The following PTPN12 variants were observed in gnomAD, a reference collection of about 807,000 sequenced individuals.
PTPN12 encodes the protein protein tyrosine phosphatase non-receptor type 12.
A neutral mutation model predicts 97.6 loss-of-function variants in PTPN12; 29 were observed. That is an observed-to-expected ratio of 0.30 (90% CI 0.22 to 0.41). PTPN12 has a LOEUF of 0.41. Ranked by LOEUF, PTPN12 falls within the 10% of genes least tolerant of loss-of-function variation. The pLI, the probability that PTPN12 is intolerant of heterozygous loss-of-function variation, is 1.00. For synonymous variants in PTPN12, 327 were observed against 300.4 expected, an observed-to-expected ratio of 1.09 and a Z score of -0.91; for missense variants, 819 against 926.0, an observed-to-expected ratio of 0.88 and a Z score of 1.50.
intron 12 of PTPN12, 56 bp downstream of exon 12, chr7:77,618,621 T>C (rs1788833148): frequency 3.4e-6 from 4 of 1,162,796 alleles, no homozygotes; most frequent in Non-Finnish European, 5.0e-6. Flanking sequence ...TACTCACTGT[T>C]AATTAAAATG....
chr7:77,614,874 T>A (rs1167052438), intron 11 of PTPN12, among the ~76,000 whole-genome samples: 1 of 152,218 alleles, frequency 6.6e-6, no homozygotes. Flanking sequence ...TCGGTAAAAG[T>A]TTTGTTTAAA....
chr7:77,615,190 A>T (rs1275711720), intron 11 of PTPN12, among the ~76,000 whole-genome samples: 1 of 152,202 alleles, frequency 6.6e-6, no homozygotes, highest in Non-Finnish European at 1.5e-5. Flanking sequence ...AAGTAATAGC[A>T]ATAACAGTTT....
Position 77,628,990 on chromosome 7 carries a change from C to T in PTPN12, c.1996+1315C>T, listed in dbSNP as rs532425921. Among the ~76,000 whole-genome samples, 40 of 152,252 alleles carry T rather than the reference C, an allele frequency of 2.6e-4. No homozygotes were observed. The East Asian group carries it at 6.0e-3, about 23-fold the overall frequency. ...TTGAGACAGAGTTTTGCTCTTGTTG[C>T]CCAGGCTGAAGTGCAGTGGCGCAAT... On this transcript the variant is annotated intron_variant, in intron 13 of 17. Coordinates refer to ENST00000248594, the MANE Select transcript of PTPN12 (RefSeq NM_002835.4).
chr7:77,615,321 T>C (rs945937750), intron 11 of PTPN12, among the ~76,000 whole-genome samples: 1 of 152,246 alleles, frequency 6.6e-6, no homozygotes, highest in Non-Finnish European at 1.5e-5. Context: ...TAATTTATTT[T>C]CTTCTGCAGC....
At chr7:77,553,862 T>TG (rs3083873) in intron 1 of PTPN12, among the ~76,000 whole-genome samples, 2 of 152,014 alleles carry the variant, frequency 1.3e-5, no homozygotes, top group Non-Finnish European at 2.9e-5. Context: ...TTTTTTTTTT[T>TG]GTCTTCCACT....
At chr7:77,555,697 G>A (rs1807677311) in intron 1 of PTPN12, among the ~76,000 whole-genome samples, 2 of 152,094 alleles carry the variant, frequency 1.3e-5, no homozygotes. Context: ...GGTGGATCGT[G>A]AGGTCATGAG....
intron 1 of PTPN12, among the ~76,000 whole-genome samples, chr7:77,555,153 T>C (rs946266959): frequency 6.6e-6 from 1 of 152,126 alleles, no homozygotes; most frequent in Non-Finnish European, 1.5e-5. Context: ...GTAATTCTTA[T>C]TATACTTGCT....
chr7:77,639,293 G>C lies in PTPN12; in HGVS notation c.*13G>C. 1 of 1,605,942 alleles carries C rather than the reference G, an allele frequency of 6.2e-7. No homozygotes were observed. The highest frequency in any genetic ancestry group is 8.5e-7 in the Non-Finnish European group (1 of 1,173,904). On this transcript the variant is annotated 3_prime_UTR_variant, in exon 18 of 18. Coordinates refer to ENST00000248594, the MANE Select transcript of PTPN12 (RefSeq NM_002835.4). The stretch of plus-strand genomic sequence containing the variant: ...AGAATGGACATGATTCAGGGAGCTA[G>C]AAGACACTTTAAGTTATACTGGAAA...
intron 15 of PTPN12, 180 bp from the exon 16 acceptor site, chr7:77,636,838 G>C (rs1221419730): frequency 1.4e-5 from 7 of 492,530 alleles, no homozygotes; most frequent in Non-Finnish European, 2.5e-5. Flanking sequence ...ACTCCAAGGA[G>C]AAATAGCATA....
Position 77,602,602 on chromosome 7 carries a change from A to G in PTPN12, c.695+1796A>G, listed in dbSNP as rs1441749667. The stretch of plus-strand genomic sequence containing the variant: ...ACTACTGCACTCCAGCCTGGGTGAC[A>G]TAGTAGACCCTATCTTTTAAAAAAA... On this transcript the variant is annotated intron_variant, in intron 8 of 17. Transcript: ENST00000248594. Among the ~76,000 whole-genome samples, 4 of 152,048 alleles carry G rather than the reference A, an allele frequency of 2.6e-5. No individual in the cohort carries two copies. In the East Asian group the frequency reaches 5.8e-4, roughly 22 times the overall value.
intron 9 of PTPN12, among the ~76,000 whole-genome samples, chr7:77,607,957 G>A (rs779908465): frequency 2.6e-5 from 4 of 152,092 alleles, no homozygotes; most frequent in Non-Finnish European, 5.9e-5. Context: ...GTTTCACCAT[G>A]TTGGCCAGGC....
intron 1 of PTPN12, among the ~76,000 whole-genome samples, chr7:77,547,426 A>G (rs930777176): frequency 1.3e-5 from 2 of 152,160 alleles, no homozygotes; most frequent in African/African-American, 4.8e-5. Context: ...GGGGGAAGAA[A>G]GTTCATAGCT....
In PTPN12 at chr7:77,564,746, GTTTTTT is replaced by G. The variant is rs764476553; in HGVS notation, c.100-6307_100-6302del. Reference sequence around the variant, plus strand: ...TTTTGTTGTTGTTTTTTGTTGTCGTGTTTTTTTTTTTTTTTTTTTTTTTTTTTTTTG... The same window carrying G: ...TTTTGTTGTTGTTTTTTGTTGTCGTGTTTTTTTTTTTTTTTTTTTTTTTTG... On this transcript the variant is annotated intron_variant, in intron 1 of 17. Coordinates refer to ENST00000248594, the MANE Select transcript of PTPN12 (RefSeq NM_002835.4). Among the ~76,000 whole-genome samples, 250 of 45,352 alleles carry G rather than the reference GTTTTTT, an allele frequency of 5.5e-3. 2 individuals are homozygous for G. The highest frequency in any genetic ancestry group is 0.026 in the Middle Eastern group (1 of 38). The allele number at this position is 45,352 out of a possible 152,430, so 29.8% of individuals were successfully genotyped here.
chr7:77,562,995 A>AT (rs1361360890), intron 1 of PTPN12, among the ~76,000 whole-genome samples: 2 of 149,582 alleles, frequency 1.3e-5, no homozygotes, highest in African/African-American at 2.5e-5. Context: ...TTTTTATTAC[A>AT]TTTTTTCATT....
At chr7:77,613,167 G>GTTTTTTTTTTT (rs576216122) in intron 11 of PTPN12, among the ~76,000 whole-genome samples, 1 of 88,534 alleles carries the variant, frequency 1.1e-5, no homozygotes, top group Non-Finnish European at 2.0e-5. Flanking sequence ...TAATTTTTGG[G>GTTTTTTTTTTT]TTTTTTTTTT....
intron 1 of PTPN12, among the ~76,000 whole-genome samples, chr7:77,547,622 T>C (rs540991568): frequency 1.3e-5 from 2 of 152,286 alleles, no homozygotes; most frequent in South Asian, 4.1e-4. Flanking sequence ...ACATAGTATA[T>C]AGAAGGTAGT....
At chr7:77,599,889 T>C (rs1788138886) in intron 7 of PTPN12, among the ~76,000 whole-genome samples, 1 of 152,240 alleles carries the variant, frequency 6.6e-6, no homozygotes, top group Admixed American at 6.5e-5. Context: ...CTTTACATTC[T>C]TCAAAGTTAT....
chr7:77,598,914 GT>G (rs1363548082), intron 7 of PTPN12, among the ~76,000 whole-genome samples: 1 of 150,714 alleles, frequency 6.6e-6, no homozygotes, highest in Non-Finnish European at 1.5e-5. Flanking sequence ...TGTGAAGTTA[GT>G]TTTTGTCTTT....
intron 1 of PTPN12, among the ~76,000 whole-genome samples, chr7:77,543,546 A>G (rs1435774328): frequency 2.0e-5 from 3 of 152,180 alleles, no homozygotes; most frequent in South Asian, 2.1e-4. Context: ...AGTACCTACC[A>G]TAAGATTTAT....
Sources: allele counts gnomAD v4.1 joint callset (sites outside exome capture counted in the v4.1 genomes callset), GRCh38; gene constraint gnomAD v4.1.1; transcripts MANE v1.5; gene names NCBI Gene and HGNC (gene_info 2026-07-23, HGNC 2026-07-21).